Variants in MAGT1 observed in about 807,000 individuals in gnomAD.
MAGT1 encodes the protein dolichyl-diphosphooligosaccharide--protein glycosyltransferase subunit MAGT1.
A neutral mutation model predicts 28.4 loss-of-function variants in MAGT1; 4 were observed. That is an observed-to-expected ratio of 0.14 (90% CI 0.07 to 0.32). The LOEUF (loss-of-function observed/expected upper bound fraction) is 0.32. MAGT1 is among the 10% of genes least tolerant of loss of function. The pLI, the probability that MAGT1 is intolerant of heterozygous loss-of-function variation, is 1.00. For synonymous variants in MAGT1, 89 were observed against 89.7 expected, an observed-to-expected ratio of 0.99 and a Z score of 0.04; for missense variants, 193 against 264.5, an observed-to-expected ratio of 0.73 and a Z score of 1.88.
At chrX:77,831,601 T>C (rs1233149554) in intron 8 of MAGT1, among the ~76,000 whole-genome samples, 2 of 108,302 alleles carry the variant, frequency 1.8e-5, no homozygotes, top group African/African-American at 6.7e-5. Context: ...TTTCTTTTTT[T>C]TTTTTTTTTG....
intron 3 of MAGT1, among the ~76,000 whole-genome samples, chrX:77,861,421 G>C (rs1557216469): frequency 8.9e-6 from 1 of 112,025 alleles, no homozygotes; most frequent in Non-Finnish European, 1.9e-5. Flanking sequence ...AGCATGTGGA[G>C]AAACTGGAAA....
At chrX:77,845,334 C>G (rs1214452827) in intron 7 of MAGT1, among the ~76,000 whole-genome samples, 3 of 111,401 alleles carry the variant, frequency 2.7e-5, no homozygotes, top group Admixed American at 9.7e-5. Context: ...CTATGTGTGT[C>G]TCTGCACGTG....
intron 3 of MAGT1, among the ~76,000 whole-genome samples, chrX:77,862,341 C>A (rs369211281): frequency 8.3e-5 from 9 of 108,487 alleles, no homozygotes; most frequent in African/African-American, 3.2e-4. Context: ...GTAACAAAAA[C>A]AAAAATAGAC....
intron 7 of MAGT1, among the ~76,000 whole-genome samples, chrX:77,845,834 G>A (rs781860374): frequency 9.0e-6 from 1 of 111,646 alleles, no homozygotes; most frequent in African/African-American, 3.2e-5. Context: ...TTCCCTTTGT[G>A]GGTAACCCGG....
chrX:77,863,755 C>A (rs1412629638), intron 3 of MAGT1, among the ~76,000 whole-genome samples: 1 of 112,104 alleles, frequency 8.9e-6, no homozygotes, highest in East Asian at 2.8e-4. Flanking sequence ...CAGTGGCTTG[C>A]GCCTGTAATC....
chrX:77,835,051 G>A (rs1485492409), intron 8 of MAGT1, among the ~76,000 whole-genome samples: 1 of 107,507 alleles, frequency 9.3e-6, no homozygotes, highest in African/African-American at 3.4e-5. Context: ...CACCTCCCGG[G>A]TTCACGCCAT....
rs1281599744 is a variant in MAGT1, at chrX:77,870,779, T to C, written c.390+29A>G. On this transcript the variant is annotated intron_variant, in intron 3 of 9. Coordinates refer to ENST00000618282, the MANE Select transcript of MAGT1 (RefSeq NM_001367916.1). Reference sequence around the variant, plus strand: ...ACTTTCACTATATTTTACCTATTTTTATATAGCAGAATAAACCAAAGATCT... The same window carrying C: ...ACTTTCACTATATTTTACCTATTTTCATATAGCAGAATAAACCAAAGATCT... The C allele has an allele frequency of 7.1e-6, 7 of 985,922 alleles. No individual in the cohort carries two copies. In the Admixed American group the frequency reaches 1.1e-4, roughly 16 times the overall value. The allele number at this position is 985,922 out of a possible 1,213,427, so 81.3% of individuals were successfully genotyped here.
intron 1 of MAGT1, among the ~76,000 whole-genome samples, chrX:77,879,387 G>A (rs1371452270): frequency 2.7e-5 from 3 of 111,806 alleles, no homozygotes; most frequent in African/African-American, 9.7e-5. Context: ...GCCATGAGTA[G>A]TAAGAAGGCA....
At chrX:77,833,670 C>G (rs1362138942) in intron 8 of MAGT1, among the ~76,000 whole-genome samples, 2 of 112,046 alleles carry the variant, frequency 1.8e-5, no homozygotes, top group Non-Finnish European at 3.8e-5. Flanking sequence ...GTTCCACGTT[C>G]ATGGATTGGA....
intron 1 of MAGT1, among the ~76,000 whole-genome samples, chrX:77,885,934 T>C (rs2077066874): frequency 9.0e-6 from 1 of 111,209 alleles, no homozygotes; most frequent in Admixed American, 9.6e-5. Flanking sequence ...GAGCCGAGAT[T>C]GAGCCCCTGC....
chrX:77,867,192 T>G (rs2077010417), intron 3 of MAGT1, among the ~76,000 whole-genome samples: 1 of 66,994 alleles, frequency 1.5e-5, no homozygotes, highest in African/African-American at 3.5e-5. Flanking sequence ...AGCAGCAAAG[T>G]GAACCCCTTG....
intron 1 of MAGT1, among the ~76,000 whole-genome samples, chrX:77,878,429 C>T (rs1414107258): frequency 1.1e-4 from 10 of 94,742 alleles, no homozygotes; most frequent in African/African-American, 3.9e-4. Context: ...GCTGAGATCA[C>T]GCCACTGCAT....
chrX:77,893,868 A>G (rs1259951193), intron 1 of MAGT1, among the ~76,000 whole-genome samples: 9 of 109,739 alleles, frequency 8.2e-5, no homozygotes, highest in Non-Finnish European at 1.7e-4. Flanking sequence ...CCACCACTGA[A>G]CTCCAGCCTG....
In MAGT1 at chrX:77,827,743, G is replaced by A. The variant is rs1210148523; in HGVS notation, c.*1477C>T. On this transcript the variant is annotated 3_prime_UTR_variant, in exon 10 of 10. Coordinates refer to ENST00000618282, the MANE Select transcript of MAGT1 (RefSeq NM_001367916.1). ...GCGTAAGTCACTGCGCCTGGCCAGGGAGTCCTTTTCTAACTGAGCCTATTT... is the reference window on the plus strand; with the variant it reads ...GCGTAAGTCACTGCGCCTGGCCAGGAAGTCCTTTTCTAACTGAGCCTATTT... 1 of 110,792 alleles carries A rather than the reference G, an allele frequency of 9.0e-6. No homozygotes were observed. Among genetic ancestry groups the A allele is most frequent in the East Asian group, 2.9e-4 (1 of 3,502 alleles). The allele number at this position is 110,792 out of a possible 1,213,427, so 9.1% of individuals were successfully genotyped here.
At position 77,871,054 on chromosome X, in the gene MAGT1, T is replaced by G. The variant is rs2077019257; in HGVS notation, c.273-129A>C. 7 of 532,194 alleles carry G rather than the reference T, an allele frequency of 1.3e-5. No individual in the cohort carries two copies. In the Admixed American group the frequency reaches 1.4e-4, roughly 11 times the overall value. The allele number at this position is 532,194 out of a possible 1,213,427, so 43.9% of individuals were successfully genotyped here. ...CAATGGGAGAAATAATAAAAAACAC[T>G]GACAAGTAGGTCAGACTCTGCTGAC... On this transcript the variant is annotated intron_variant, in intron 2 of 9. Coordinates refer to ENST00000618282, the MANE Select transcript of MAGT1 (RefSeq NM_001367916.1).
intron 8 of MAGT1, among the ~76,000 whole-genome samples, chrX:77,834,168 ATATATATATATGCATATATG>A (rs1259086989): frequency 5.4e-5 from 5 of 92,943 alleles, no homozygotes; most frequent in African/African-American, 1.8e-4. Context: ...TGTACACCAT[ATATATATATATGCATATATG>A]TATATATATG....
rs1557217281 is a variant in MAGT1, at chrX:77,870,866, G to T, written c.332C>A (p.Thr111Asn). 1 of 1,210,658 alleles carries T rather than the reference G, an allele frequency of 8.3e-7. No individual in the cohort carries two copies. Among genetic ancestry groups the T allele is most frequent in the Admixed American group, 2.2e-5 (1 of 45,939 alleles). ...CACCATGGCAAAAAATATCCTGTTG[G>T]TGAATGCACTGGAGTATCGCCAGGA... Reference protein sequence around the residue: ...ANSWRYSSAFTNRIFFAMVDF... With the variant: ...ANSWRYSSAFNNRIFFAMVDF... Residue 111 changes from threonine (T) to asparagine (N), a missense_variant, in exon 3 of 10, where the codon ACC (threonine) becomes AAC (asparagine). Physicochemically the swap from Thr to Asn is moderately conservative, Grantham distance 65 (BLOSUM62 0). Transcript: ENST00000618282.
chrX:77,880,418 A>G (rs2077048419), intron 1 of MAGT1, among the ~76,000 whole-genome samples: 1 of 108,674 alleles, frequency 9.2e-6, no homozygotes. Flanking sequence ...AATCCCAGCT[A>G]CTCGGGAGGC....
rs1210019639 is a variant in MAGT1 at position 77,829,474 on chromosome X, T to G, written c.993-239A>C. Among the ~76,000 whole-genome samples the G allele has an allele frequency of 3.6e-5, 4 of 111,768 alleles. No homozygotes were observed. In the Admixed American group the frequency reaches 3.9e-4, roughly 11 times the overall value. On this transcript the variant is annotated intron_variant, in intron 9 of 9. Transcript: ENST00000618282. Reference sequence around the variant, plus strand: ...CCTGAATAGAGACACTAATTAATAATTTTATTTTTTCATTTTTTTAGAGAT... The same window carrying G: ...CCTGAATAGAGACACTAATTAATAAGTTTATTTTTTCATTTTTTTAGAGAT...
Sources: gnomAD v4.1 joint callset for allele counts (sites outside exome capture counted in the v4.1 genomes callset) on GRCh38, gnomAD v4.1.1 for gene constraint, MANE v1.5 for transcripts, NCBI Gene and HGNC (gene_info 2026-07-23, HGNC 2026-07-21) for gene names.